TUSC3: variants seen among roughly 807,000 people sequenced by gnomAD.
TUSC3 encodes tumor suppressor candidate 3.
In TUSC3, 45 loss-of-function variants were observed where a neutral mutation model predicts 44.8. The ratio of observed to expected loss-of-function variants is 1.00; its 90% CI spans 0.79 to 1.29. TUSC3 has a LOEUF of 1.29. TUSC3 is among the 50% of genes most tolerant of loss of function. The pLI, the probability that TUSC3 is intolerant of heterozygous loss-of-function variation, is 0.00. For synonymous variants in TUSC3, 212 were observed against 152.9 expected, an observed-to-expected ratio of 1.39 and a Z score of -2.85; for missense variants, 519 against 437.9, an observed-to-expected ratio of 1.19 and a Z score of -1.65.
chr8:15,713,429 G>A (rs573267369), intron 6 of TUSC3, among the ~76,000 whole-genome samples: 1 of 152,240 alleles, frequency 6.6e-6, no homozygotes, highest in Admixed American at 6.5e-5. Context: ...TAAGGCATTA[G>A]TGGCATCGAT....
chr8:15,675,020 C>T (rs1808122093), intron 6 of TUSC3, among the ~76,000 whole-genome samples: 1 of 152,048 alleles, frequency 6.6e-6, no homozygotes, highest in Admixed American at 6.6e-5. Context: ...GTCTCCCTCT[C>T]CTGTTTTATT....
intron 1 of TUSC3, among the ~76,000 whole-genome samples, chr8:15,481,500 T>C (rs761592591): frequency 2.6e-5 from 4 of 152,066 alleles, no homozygotes; most frequent in Non-Finnish European, 4.4e-5. Flanking sequence ...CCTCTCAGCC[T>C]CAAGAACCAT....
chr8:15,590,630 A>G (rs1410892262), intron 1 of TUSC3, among the ~76,000 whole-genome samples: 1 of 151,440 alleles, frequency 6.6e-6, no homozygotes, highest in Non-Finnish European at 1.5e-5. Flanking sequence ...ATTTATAAAT[A>G]TTTATTTTTA....
chr8:15,461,853 A>G (rs1346247359), intron 1 of TUSC3, among the ~76,000 whole-genome samples: 1 of 152,056 alleles, frequency 6.6e-6, no homozygotes, highest in Admixed American at 6.6e-5. Flanking sequence ...CATTAAAATA[A>G]TATACAATTT....
chr8:15,478,593 A>G (rs897564269), intron 1 of TUSC3, among the ~76,000 whole-genome samples: 1 of 152,136 alleles, frequency 6.6e-6, no homozygotes, highest in Non-Finnish European at 1.5e-5. Context: ...CATGTCCCTG[A>G]AAAGGACATG....
intron 1 of TUSC3, among the ~76,000 whole-genome samples, chr8:15,564,447 A>G (rs1802591881): frequency 6.6e-6 from 1 of 152,188 alleles, no homozygotes; most frequent in African/African-American, 2.4e-5. Context: ...ACTGAATATT[A>G]TTGAAAGATA....
At chr8:15,791,808 C>T in the TUSC3 span, among the ~76,000 whole-genome samples, 1 of 152,106 alleles carries the variant, frequency 6.6e-6, no homozygotes, top group Non-Finnish European at 1.5e-5. Context: ...TTTGTATCTT[C>T]ATAAAATAAG....
chr8:15,641,902 G>A (rs1029728252), intron 2 of TUSC3, among the ~76,000 whole-genome samples: 1 of 152,166 alleles, frequency 6.6e-6, no homozygotes, highest in Non-Finnish European at 1.5e-5. Flanking sequence ...AGAGACGCAA[G>A]GAAACTTTTG....
At chr8:15,649,824 G>A (rs1806808110) in intron 2 of TUSC3, among the ~76,000 whole-genome samples, 1 of 152,026 alleles carries the variant, frequency 6.6e-6, no homozygotes, top group Non-Finnish European at 1.5e-5. Context: ...TTGTTAGGTT[G>A]TACCTTTTTA....
Position 15,639,781 on chromosome 8 carries a change from C to T in TUSC3, c.309-10916C>T, listed in dbSNP as rs557550610. Among the ~76,000 whole-genome samples the T allele has an allele frequency of 6.1e-3, 297 of 48,382 alleles. 1 individual carries two copies. Among genetic ancestry groups the T allele is most frequent in the South Asian group, 9.8e-3 (7 of 714 alleles). 31.7% of individuals were successfully genotyped at this position (48,382 alleles called of 152,430 possible). A position where few individuals can be genotyped will look rare whatever the true frequency, so the allele number is the denominator to read the frequency against. On this transcript the variant is annotated intron_variant, in intron 2 of 10. Coordinates refer to ENST00000503731, the MANE Select transcript of TUSC3 (RefSeq NM_006765.4). ...TAATTTCTCTTAGATGCATAAGAGT[C>T]GTTTTTTTTTTTTTTGGACCCATGA...
At chr8:15,418,190 T>G (rs935822495) in intron 1 of TUSC3, among the ~76,000 whole-genome samples, 1 of 152,222 alleles carries the variant, frequency 6.6e-6, no homozygotes, top group Non-Finnish European at 1.5e-5. Flanking sequence ...TAAATGTGTT[T>G]GGGGCTTTTG....
chr8:15,659,835 T>C (rs529191776), intron 4 of TUSC3, among the ~76,000 whole-genome samples, 188 bp downstream of exon 4: 7 of 152,202 alleles, frequency 4.6e-5, no homozygotes, highest in Non-Finnish European at 1.0e-4. Flanking sequence ...TTTAAAATAG[T>C]GGTTCACTGA....
At chr8:15,753,337 C>A (rs1275415994) in intron 9 of TUSC3, among the ~76,000 whole-genome samples, 4 of 151,998 alleles carry the variant, frequency 2.6e-5, no homozygotes, top group Non-Finnish European at 5.9e-5. Context: ...TATGGATATA[C>A]TGTAAATTGT....
intron 1 of TUSC3, among the ~76,000 whole-genome samples, chr8:15,592,556 G>C (rs936293282): frequency 2.6e-5 from 4 of 152,146 alleles, no homozygotes; most frequent in East Asian, 3.9e-4. Flanking sequence ...ACTCTCTTTT[G>C]CTCGCTCTCA....
At chr8:15,503,880 T>C (rs1215694174) in intron 2 of TUSC3, among the ~76,000 whole-genome samples, 1 of 151,856 alleles carries the variant, frequency 6.6e-6, no homozygotes, top group Non-Finnish European at 1.5e-5. Flanking sequence ...CTGGGTGTGG[T>C]GGTGCACACC....
intron 2 of TUSC3, among the ~76,000 whole-genome samples, chr8:15,507,599 GA>G (rs1801074312): frequency 6.6e-6 from 1 of 151,852 alleles, no homozygotes; most frequent in Non-Finnish European, 1.5e-5. Context: ...AAAGTCAAAA[GA>G]ATCTATAAAG....
At chr8:15,504,617 ATATATT>A (rs869139889) in intron 2 of TUSC3, among the ~76,000 whole-genome samples, 102 of 17,154 alleles carry the variant, frequency 5.9e-3, no homozygotes, top group Non-Finnish European at 7.1e-3. Context: ...ATATATATAT[ATATATT>A]TTTTTTTTTT....
At chr8:15,722,757 A>G (rs914673542) in intron 6 of TUSC3, among the ~76,000 whole-genome samples, 1 of 152,080 alleles carries the variant, frequency 6.6e-6, no homozygotes, top group African/African-American at 2.4e-5. Context: ...AAAAACAAAC[A>G]AATCATCTTA....
intron 2 of TUSC3, among the ~76,000 whole-genome samples, chr8:15,515,384 A>G (rs1801203167): frequency 6.6e-6 from 1 of 152,176 alleles, no homozygotes; most frequent in Non-Finnish European, 1.5e-5. Flanking sequence ...GTCCTGAATG[A>G]TGAACTTACA....
Sources: allele counts gnomAD v4.1 joint callset (sites outside exome capture counted in the v4.1 genomes callset), GRCh38; gene constraint gnomAD v4.1.1; transcripts MANE v1.5; gene names NCBI Gene and HGNC (gene_info 2026-07-23, HGNC 2026-07-21).